The following RBFOX1 variants were observed in gnomAD, a reference collection of about 807,000 sequenced individuals.
The protein encoded by RBFOX1 is RNA binding protein fox-1 homolog 1.
In RBFOX1, 8 loss-of-function variants were observed where a neutral mutation model predicts 57.7. That is an observed-to-expected ratio of 0.14 (90% CI 0.08 to 0.25). The LOEUF is 0.25. Among genes scored for constraint, RBFOX1 ranks in the 10% least tolerant of loss-of-function variants. The pLI is 1.00. For synonymous variants in RBFOX1, 326 were observed against 222.4 expected (o/e 1.47, Z -4.15); for missense variants, 611 against 548.5 (o/e 1.11, Z -1.14).
chr16:5,252,010 A>G (rs1376162053), intron 1 of RBFOX1, among the ~76,000 whole-genome samples: 1 of 152,146 alleles, frequency 6.6e-6, no homozygotes, highest in Non-Finnish European at 1.5e-5. Flanking sequence ...TGAGACTGGA[A>G]GCTAGGCCTG....
chr16:6,608,543 T>A (rs1481460919), intron 2 of RBFOX1, among the ~76,000 whole-genome samples: 1 of 152,100 alleles, frequency 6.6e-6, no homozygotes, highest in Non-Finnish European at 1.5e-5. Flanking sequence ...AATTCTAATA[T>A]TTTGGAAGGC....
At chr16:6,356,873 ACTCT>A (rs2087420307) in intron 2 of RBFOX1, among the ~76,000 whole-genome samples, 1 of 152,116 alleles carries the variant, frequency 6.6e-6, no homozygotes, top group Non-Finnish European at 1.5e-5. Flanking sequence ...AACTCTCTGT[ACTCT>A]CTCTGCAATT....
At chr16:6,794,582 A>G (rs756756623) in intron 3 of RBFOX1, among the ~76,000 whole-genome samples, 4 of 152,138 alleles carry the variant, frequency 2.6e-5, no homozygotes, top group African/African-American at 7.2e-5. Context: ...GTTTAGCAGA[A>G]AACTCATTCA....
intron 2 of RBFOX1, among the ~76,000 whole-genome samples, chr16:5,495,084 C>A (rs768853330): frequency 6.6e-6 from 1 of 152,182 alleles, no homozygotes; most frequent in African/African-American, 2.4e-5. Flanking sequence ...AATTGACTTA[C>A]ACTTCTGCAG....
chr16:6,402,592 C>A (rs1276804979), intron 2 of RBFOX1, among the ~76,000 whole-genome samples: 2 of 152,148 alleles, frequency 1.3e-5, no homozygotes, highest in Non-Finnish European at 2.9e-5. Context: ...TTGACCTATA[C>A]ATTTACACTG....
In RBFOX1 at chr16:6,367,254, G is replaced by GT. The variant is rs71145220; in HGVS notation, c.-64+50200dup. On this transcript the variant is annotated intron_variant, in intron 2 of 15. Transcript: ENST00000550418. ...AGCCCTTCTTGGATTTTCTTTGTTT[G>GT]TTTGTTTTGTTTTGTTTTGTTTTGT... is the stretch of plus-strand genomic sequence containing the variant. Among the ~76,000 whole-genome samples, 752 of 150,094 alleles carry GT rather than the reference G, an allele frequency of 5.0e-3. 5 individuals are homozygous for GT. The highest frequency in any genetic ancestry group is 0.02 in the South Asian group (95 of 4,716).
At chr16:7,129,180 G>A (rs1195804758) in intron 4 of RBFOX1, among the ~76,000 whole-genome samples, 1 of 152,118 alleles carries the variant, frequency 6.6e-6, no homozygotes, top group Non-Finnish European at 1.5e-5. Context: ...AGGAAAGTCT[G>A]GCTCCAGAGT....
At chr16:6,985,633 G>C (rs62016418) in intron 3 of RBFOX1, among the ~76,000 whole-genome samples, 95,814 of 151,940 alleles carry the variant, frequency 0.63, 30,657 homozygotes, top group Non-Finnish European at 0.68. Flanking sequence ...TTAGAGAACA[G>C]TCTGACCAGC....
intron 3 of RBFOX1, among the ~76,000 whole-genome samples, chr16:6,714,027 T>C (rs1160964297): frequency 6.6e-6 from 1 of 152,192 alleles, no homozygotes; most frequent in African/African-American, 2.4e-5. Flanking sequence ...TACCCATGTG[T>C]GGAGGAAGAG....
At chr16:5,998,533 C>T (rs2060529945) in intron 4 of RBFOX1, among the ~76,000 whole-genome samples, 1 of 152,084 alleles carries the variant, frequency 6.6e-6, no homozygotes, top group Non-Finnish European at 1.5e-5. Flanking sequence ...AGTTGTTTTT[C>T]TTTGAGTGAA....
At chr16:7,092,474 C>G (rs1471743858) in intron 4 of RBFOX1, among the ~76,000 whole-genome samples, 1 of 152,228 alleles carries the variant, frequency 6.6e-6, no homozygotes, top group Non-Finnish European at 1.5e-5. Context: ...TATTTTTCCA[C>G]AACAGCCTCT....
intron 3 of RBFOX1, among the ~76,000 whole-genome samples, chr16:6,869,802 T>A (rs1024563343): frequency 6.6e-6 from 1 of 152,126 alleles, no homozygotes; most frequent in Admixed American, 6.5e-5. Flanking sequence ...ATTACTTAAT[T>A]CTGGTTGGTT....
chr16:5,477,981 C>G (rs1342539714), intron 2 of RBFOX1, among the ~76,000 whole-genome samples: 3 of 152,166 alleles, frequency 2.0e-5, no homozygotes, highest in African/African-American at 7.2e-5. Context: ...GCCCACCTCA[C>G]TCCCCACTTC....
At chr16:7,388,128 G>C (rs370297655) in intron 4 of RBFOX1, among the ~76,000 whole-genome samples, 2 of 151,702 alleles carry the variant, frequency 1.3e-5, no homozygotes, top group African/African-American at 2.4e-5. Flanking sequence ...TGTTTATTGT[G>C]TTTGCATAAT....
intron 9 of RBFOX1, among the ~76,000 whole-genome samples, chr16:7,601,025 G>A (rs1320996686): frequency 6.6e-6 from 1 of 152,208 alleles, no homozygotes; most frequent in Non-Finnish European, 1.5e-5. Flanking sequence ...GGGATCAAAT[G>A]TTGGATCTGC....
intron 4 of RBFOX1, among the ~76,000 whole-genome samples, chr16:7,498,847 A>T (rs7205442): frequency 0.66 from 100,374 of 151,996 alleles, 35,660 homozygotes; most frequent in Middle Eastern, 0.82. Flanking sequence ...ACAGAGAGCA[A>T]ATGAGATCGC....
rs775327046 is a variant in RBFOX1 at position 7,297,945 on chromosome 16, A to C, written c.28-220202A>C. 3.3e-5 allele frequency among the ~76,000 whole-genome samples: 5 copies of C among 152,176 alleles called. 1 individual carries two copies. The South Asian group carries it at 1.0e-3, about 32-fold the overall frequency. On this transcript the variant is annotated intron_variant, in intron 4 of 15. Transcript: ENST00000550418. Reference sequence around the variant, plus strand: ...ATGTATGCCTATTTTACGCACATGCATATGCACATACTTCTGTGGATGTCT... The same window carrying C: ...ATGTATGCCTATTTTACGCACATGCCTATGCACATACTTCTGTGGATGTCT...
intron 4 of RBFOX1, among the ~76,000 whole-genome samples, chr16:7,494,467 T>C (rs553546944): frequency 6.6e-6 from 1 of 152,282 alleles, no homozygotes; most frequent in Admixed American, 6.5e-5. Context: ...GGATTATTTT[T>C]TCTGGAAAAT....
chr16:6,777,139 G>T (rs1465202097), intron 3 of RBFOX1, among the ~76,000 whole-genome samples: 1 of 151,626 alleles, frequency 6.6e-6, no homozygotes, highest in South Asian at 2.1e-4. Flanking sequence ...TGTATGCGAT[G>T]TGCTACACAT....
Sources: allele counts gnomAD v4.1 joint callset (sites outside exome capture counted in the v4.1 genomes callset), GRCh38; gene constraint gnomAD v4.1.1; transcripts MANE v1.5; gene names NCBI Gene and HGNC (gene_info 2026-07-23, HGNC 2026-07-21).